The following AKAP6 variants were observed in gnomAD, a reference collection of about 807,000 sequenced individuals.
The protein encoded by AKAP6 is A-kinase anchoring protein 6.
Under a neutral mutation model 188.5 loss-of-function variants are expected in AKAP6, and 58 were observed. That is an observed-to-expected ratio of 0.31 (90% confidence interval 0.25 to 0.38). AKAP6 has a LOEUF of 0.38. Ranked by LOEUF, AKAP6 falls within the 10% of genes least tolerant of loss-of-function variation. The pLI is 1.00. For synonymous variants in AKAP6, 989 were observed against 998.6 expected (o/e 0.99, Z 0.18); for missense variants, 2,710 against 2,740.0 (o/e 0.99, Z 0.24).
intron 11 of AKAP6, among the ~76,000 whole-genome samples, chr14:32,737,039 C>T (rs2031460006): frequency 6.6e-6 from 1 of 152,114 alleles, no homozygotes; most frequent in Non-Finnish European, 1.5e-5. Context: ...AAATCTAATA[C>T]CCAGGTGATT....
At chr14:32,601,764 A>G (rs1214046502) in intron 7 of AKAP6, among the ~76,000 whole-genome samples, 1 of 152,232 alleles carries the variant, frequency 6.6e-6, no homozygotes, top group Non-Finnish European at 1.5e-5. Flanking sequence ...TGCTAAATGT[A>G]TACACAGCAA....
chr14:32,545,076 T>C (rs967333921), intron 3 of AKAP6, among the ~76,000 whole-genome samples, 154 bp from the exon 4 acceptor site: 10 of 152,182 alleles, frequency 6.6e-5, no homozygotes, highest in African/African-American at 2.2e-4. Context: ...AATGTGGTAA[T>C]TGATTAATAT....
chr14:32,452,754 C>T (rs1890983304), intron 2 of AKAP6, among the ~76,000 whole-genome samples: 1 of 152,108 alleles, frequency 6.6e-6, no homozygotes, highest in Middle Eastern at 3.2e-3. Flanking sequence ...ATAAACAATT[C>T]CTTGGTTGAT....
intron 5 of AKAP6, among the ~76,000 whole-genome samples, chr14:32,589,199 A>C (rs1201825361): frequency 6.6e-6 from 1 of 152,174 alleles, no homozygotes; most frequent in Non-Finnish European, 1.5e-5. Context: ...GTTTCACTGG[A>C]CTGCCCCCAC....
intron 12 of AKAP6, among the ~76,000 whole-genome samples, chr14:32,794,103 T>TAA (rs1263767927): frequency 4.6e-5 from 7 of 152,132 alleles, no homozygotes; most frequent in South Asian, 4.1e-4. Context: ...TAATCAGAGG[T>TAA]AAAATACTCC....
At chr14:32,432,396 C>T (rs1447062803) in intron 1 of AKAP6, among the ~76,000 whole-genome samples, 1 of 152,032 alleles carries the variant, frequency 6.6e-6, no homozygotes, top group African/African-American at 2.4e-5. Context: ...TAAAATGCCA[C>T]CTTACTTTTT....
chr14:32,347,354 C>G (rs1200461736), intron 1 of AKAP6, among the ~76,000 whole-genome samples: 1 of 152,186 alleles, frequency 6.6e-6, no homozygotes, highest in Non-Finnish European at 1.5e-5. Context: ...TCTAAACTTT[C>G]AGCTTGCTAA....
intron 1 of AKAP6, among the ~76,000 whole-genome samples, chr14:32,427,038 G>A (rs946634583): frequency 6.6e-6 from 1 of 152,108 alleles, no homozygotes; most frequent in Non-Finnish European, 1.5e-5. Flanking sequence ...TGTACAAAAG[G>A]AAATATTCAA....
chr14:32,493,966 T>A (rs1880173713), intron 2 of AKAP6, among the ~76,000 whole-genome samples: 1 of 151,158 alleles, frequency 6.6e-6, no homozygotes, highest in Non-Finnish European at 1.5e-5. Context: ...GTCACGAGGC[T>A]TCTAGAGGAG....
In AKAP6 at chr14:32,568,716, G is replaced by A. The variant is rs1884321457; in HGVS notation, c.2347-8404G>A. Among the ~76,000 whole-genome samples the A allele has an allele frequency of 6.6e-6, 1 of 152,122 alleles. No homozygotes were observed. Among genetic ancestry groups the A allele is most frequent in the South Asian group, 2.1e-4 (1 of 4,824 alleles). On this transcript the variant is annotated intron_variant, in intron 4 of 13. Coordinates refer to ENST00000280979, the MANE Select transcript of AKAP6 (RefSeq NM_004274.5). This position sits in a 1 kb window ranked among gnomAD's most constrained non-coding sequence, Gnocchi z 6.2. The stretch of plus-strand genomic sequence containing the variant: ...TGACAATGTTGGGAGCTTGTAAAGT[G>A]TTTGATCTTGTCTGTGCTTCAGTTT...
intron 8 of AKAP6, among the ~76,000 whole-genome samples, chr14:32,687,446 CTCTTTCTCT>C (rs1446269427): frequency 4.3e-5 from 6 of 139,640 alleles, no homozygotes; most frequent in African/African-American, 9.2e-5. Context: ...CTCTCTTTCT[CTCTTTCTCT>C]TTTTTTTTTT....
chr14:32,415,195 T>C (rs1487787223), intron 1 of AKAP6, among the ~76,000 whole-genome samples: 1 of 152,182 alleles, frequency 6.6e-6, no homozygotes, highest in Non-Finnish European at 1.5e-5. Flanking sequence ...ATGGATGATG[T>C]CATCCTACAG....
intron 1 of AKAP6, among the ~76,000 whole-genome samples, chr14:32,358,539 A>G (rs1045457998): frequency 1.3e-5 from 2 of 152,052 alleles, no homozygotes; most frequent in Admixed American, 6.5e-5. Flanking sequence ...GGGGTTAGGT[A>G]TGCAGTGAGC....
chr14:32,430,727 T>A (rs1890190275), intron 1 of AKAP6, among the ~76,000 whole-genome samples: 1 of 152,186 alleles, frequency 6.6e-6, no homozygotes, highest in Non-Finnish European at 1.5e-5. Context: ...CTTATTAACC[T>A]TTATGTATCA....
intron 1 of AKAP6, among the ~76,000 whole-genome samples, chr14:32,430,101 G>A (rs1210283607): frequency 6.6e-6 from 1 of 152,134 alleles, no homozygotes; most frequent in Admixed American, 6.5e-5. Context: ...CATTAAGTAG[G>A]ACACATCTAT....
chr14:32,567,958 A>G (rs1308089364), intron 4 of AKAP6, among the ~76,000 whole-genome samples: 1 of 152,124 alleles, frequency 6.6e-6, no homozygotes, highest in African/African-American at 2.4e-5. Context: ...GAAGTGGGGG[A>G]AGAGAGCAGA....
intron 13 of AKAP6, among the ~76,000 whole-genome samples, chr14:32,826,928 C>T (rs1248572528): frequency 6.6e-6 from 1 of 152,084 alleles, no homozygotes; most frequent in African/African-American, 2.4e-5. Context: ...ACTCACATCG[C>T]CCCCAAGTGA....
At chr14:32,667,939 T>G (rs187658088) in intron 7 of AKAP6, among the ~76,000 whole-genome samples, 4 of 152,224 alleles carry the variant, frequency 2.6e-5, no homozygotes, top group African/African-American at 9.6e-5. Context: ...TAATTGTACT[T>G]AGGAAGGAAG....
intron 11 of AKAP6, among the ~76,000 whole-genome samples, chr14:32,755,160 A>G (rs73254888): frequency 0.021 from 3,190 of 152,266 alleles, 111 homozygotes; most frequent in African/African-American, 0.071. Flanking sequence ...GTGTGGCTCA[A>G]TAAGTACTGT....
Sources: gnomAD v4.1 joint callset for allele counts (sites outside exome capture counted in the v4.1 genomes callset) on GRCh38, gnomAD v4.1.1 for gene constraint, Gnocchi (gnomAD v3.1) non-coding constraint, MANE v1.5 for transcripts, NCBI Gene and HGNC (gene_info 2026-07-23, HGNC 2026-07-21) for gene names.